Variants in CHFR observed in about 807,000 individuals in gnomAD.
CHFR encodes checkpoint with forkhead and ring finger domains.
Under a neutral mutation model 87.6 loss-of-function variants are expected in CHFR, and 57 were observed. The ratio of observed to expected loss-of-function variants is 0.65; its 90% CI spans 0.53 to 0.81. The LOEUF is 0.81. Among genes scored for constraint, CHFR ranks in the 30% least tolerant of loss-of-function variants. CHFR has a pLI of 0.00. For synonymous variants in CHFR, 381 were observed against 359.2 expected (o/e 1.06, Z -0.69); for missense variants, 797 against 865.8 (o/e 0.92, Z 1.00).
At chr12:132,878,473 TA>T (rs199736176) in intron 2 of CHFR, among the ~76,000 whole-genome samples, 30,453 of 112,752 alleles carry the variant, frequency 0.27, 3,835 homozygotes, top group Non-Finnish European at 0.37. Context: ...CAACTGGAAA[TA>T]AAAAAAAAAA....
intron 15 of CHFR, among the ~76,000 whole-genome samples, chr12:132,844,451 AT>A (rs572757038): frequency 0.091 from 11,692 of 128,314 alleles, 2,149 homozygotes; most frequent in Non-Finnish European, 0.15. Flanking sequence ...CACCGGGCTA[AT>A]TTTTTGTATT....
At chr12:132,853,214 G>A (rs551752478) in intron 11 of CHFR, among the ~76,000 whole-genome samples, 3 of 152,224 alleles carry the variant, frequency 2.0e-5, no homozygotes, top group Non-Finnish European at 4.4e-5. Flanking sequence ...TTCAGGAGGG[G>A]CTACGAATGA....
In CHFR at chr12:132,857,332, C is replaced by A. The variant is rs532271996; in HGVS notation, c.1066+73G>T. On this transcript the variant is annotated intron_variant, in intron 9 of 17. Coordinates refer to ENST00000450056, the MANE Select transcript of CHFR (RefSeq NM_001161346.2). ...TGCCCGGGTGCTGCTGGGTGGATGCCCTCACGTGCCTGGGTGGTGGTGGAG... is the reference window on the plus strand; with the variant it reads ...TGCCCGGGTGCTGCTGGGTGGATGCACTCACGTGCCTGGGTGGTGGTGGAG... 4.6e-6 allele frequency: 7 copies of A among 1,525,532 alleles called. No individual in the cohort carries two copies. The East Asian group carries it at 1.6e-4, about 35-fold the overall frequency. The allele number at this position is 1,525,532 out of a possible 1,614,324, so 94.5% of individuals were successfully genotyped here.
chr12:132,873,415 C>CA (rs1391996289), intron 3 of CHFR, among the ~76,000 whole-genome samples: 1 of 152,230 alleles, frequency 6.6e-6, no homozygotes, highest in Non-Finnish European at 1.5e-5. Flanking sequence ...TGTTACAACA[C>CA]AAAGCTGACC....
chr12:132,869,557 G>A (rs1329222472), intron 6 of CHFR, 62 bp downstream of exon 6: 6 of 1,462,600 alleles, frequency 4.1e-6, no homozygotes, highest in Middle Eastern at 1.9e-4. Context: ...AACAACACAG[G>A]TAAAGAGTAG....
At chr12:132,844,455 T>TATAC (rs1950770598) in intron 15 of CHFR, among the ~76,000 whole-genome samples, 12 of 140,798 alleles carry the variant, frequency 8.5e-5, no homozygotes, top group South Asian at 4.4e-4. Flanking sequence ...GGGCTAATTT[T>TATAC]TTGTATTTTT....
chr12:132,867,672 T>A (rs1951375469), intron 6 of CHFR: 1 of 152,192 alleles, frequency 6.6e-6, no homozygotes, highest in Admixed American at 6.5e-5. Flanking sequence ...CAGCCTAATC[T>A]GAGATTCAGA....
chr12:132,833,176 C>CG lies in CHFR; in HGVS notation c.*8377dup, dbSNP rs1343523701. The CG allele has an allele frequency of 2.0e-5, 3 of 152,024 alleles. No individual in the cohort carries two copies. Among genetic ancestry groups the CG allele is most frequent in the East Asian group, 3.9e-4 (2 of 5,190 alleles). 9.4% of individuals were successfully genotyped at this position (152,024 alleles called of 1,614,324 possible). ...CGCGAGCCCAGCACTATTCTGCGTG[C>CG]GGGGGGTCCCTGCTTTGGTCCAGTT... On this transcript the variant is annotated 3_prime_UTR_variant, in exon 18 of 18. Coordinates refer to ENST00000450056, the MANE Select transcript of CHFR (RefSeq NM_001161346.2).
At chr12:132,886,307 T>C (rs1951892496) in intron 2 of CHFR, among the ~76,000 whole-genome samples, 2 of 148,168 alleles carry the variant, frequency 1.3e-5, no homozygotes, top group East Asian at 2.0e-4. Flanking sequence ...AAGACTCTTA[T>C]CTCAAAAAAA....
rs576819015 is a variant in CHFR, at chr12:132,835,918, C to G, written c.*5636G>C. On this transcript the variant is annotated 3_prime_UTR_variant, in exon 18 of 18. Transcript: ENST00000450056. ...AGTGCCAGGCTCCCAGCACGGCGCA[C>G]GGCACTCACAGTGACAGGCTCCCAG... is the stretch of plus-strand genomic sequence containing the variant. 12 of 225,524 alleles carry G rather than the reference C, an allele frequency of 5.3e-5. No individual in the cohort carries two copies. Among genetic ancestry groups the G allele is most frequent in the Admixed American group, 7.7e-5 (1 of 12,966 alleles). The allele number at this position is 225,524 out of a possible 1,614,324, so 14.0% of individuals were successfully genotyped here. A position where few individuals can be genotyped will look rare whatever the true frequency, so the allele number is the denominator to read the frequency against.
chr12:132,855,304 C>G (rs538257993), intron 10 of CHFR, among the ~76,000 whole-genome samples: 5 of 151,672 alleles, frequency 3.3e-5, no homozygotes, highest in African/African-American at 1.2e-4. Context: ...TGCCTGTAAT[C>G]CCAGCTATTT....
intron 14 of CHFR, chr12:132,847,412 GAA>G (rs1481713672): frequency 8.4e-7 from 1 of 1,187,262 alleles, no homozygotes; most frequent in Non-Finnish European, 1.1e-6. Context: ...AATGAGACAT[GAA>G]AGCCAGGCCA....
At chr12:132,863,236 G>A (rs1162659613) in intron 6 of CHFR, among the ~76,000 whole-genome samples, 4 of 150,164 alleles carry the variant, frequency 2.7e-5, no homozygotes, top group Admixed American at 6.6e-5. Flanking sequence ...TGCCAGGCGC[G>A]GTGGCTCATG....
intron 2 of CHFR, among the ~76,000 whole-genome samples, chr12:132,882,070 G>A (rs75992503): frequency 1.3e-5 from 2 of 152,252 alleles, no homozygotes; most frequent in African/African-American, 4.8e-5. Context: ...AGAGAAAAAT[G>A]TATGTCCCTA....
At chr12:132,869,517 G>C (rs1951435415) in intron 6 of CHFR, 102 bp downstream of exon 6, 4 of 1,046,152 alleles carry the variant, frequency 3.8e-6, no homozygotes, top group Non-Finnish European at 5.7e-6. Flanking sequence ...AGAACCTCAT[G>C]CCAGTCCTCA....
chr12:132,869,085 C>T lies in CHFR; in HGVS notation c.583+534G>A, dbSNP rs77149327. On this transcript the variant is annotated intron_variant, in intron 6 of 17. Coordinates refer to ENST00000450056, the MANE Select transcript of CHFR (RefSeq NM_001161346.2). ...ACATGGGGAGTGACTGCTGGTGGGG[C>T]CGAGGGGAAGGGGACATGGGGAGTG... Among the ~76,000 whole-genome samples the T allele has an allele frequency of 4.9e-3, 165 of 34,010 alleles. 1 individual carries two copies. The highest frequency in any genetic ancestry group is 0.03 in the African/African-American group (156 of 5,180). The allele number at this position is 34,010 out of a possible 152,430, so 22.3% of individuals were successfully genotyped here.
At chr12:132,880,690 G>A (rs924565116) in intron 2 of CHFR, among the ~76,000 whole-genome samples, 1 of 150,758 alleles carries the variant, frequency 6.6e-6, no homozygotes, top group Non-Finnish European at 1.5e-5. Flanking sequence ...TTCTGGGCCA[G>A]GCGTGGTGGC....
At chr12:132,881,947 G>A (rs1478031438) in intron 2 of CHFR, among the ~76,000 whole-genome samples, 1 of 151,636 alleles carries the variant, frequency 6.6e-6, no homozygotes, top group Admixed American at 6.6e-5. Flanking sequence ...CTCGTACTGT[G>A]CTGTGGGACT....
intron 8 of CHFR, among the ~76,000 whole-genome samples, chr12:132,857,878 G>A (rs563740531): frequency 4.6e-5 from 7 of 152,330 alleles, no homozygotes; most frequent in East Asian, 1.9e-4. Flanking sequence ...CTTCCTCAGC[G>A]GCTCCTACGT....
Sources: allele counts gnomAD v4.1 joint callset (sites outside exome capture counted in the v4.1 genomes callset), GRCh38; gene constraint gnomAD v4.1.1; transcripts MANE v1.5; gene names NCBI Gene and HGNC (gene_info 2026-07-23, HGNC 2026-07-21).